ANKRD44: variants seen among roughly 807,000 people sequenced by gnomAD.
The protein encoded by ANKRD44 is serine/threonine-protein phosphatase 6 regulatory ankyrin repeat subunit B.
In ANKRD44, 35 loss-of-function variants were observed where a neutral mutation model predicts 116.0. The ratio of observed to expected loss-of-function variants is 0.30; its 90% CI spans 0.23 to 0.40. ANKRD44 has a LOEUF of 0.40. Among genes scored for constraint, ANKRD44 ranks in the 10% least tolerant of loss-of-function variants. ANKRD44 has a pLI of 1.00. For missense variants in ANKRD44, 1,014 were observed against 1,242.6 expected, an observed-to-expected ratio of 0.82 and a Z score of 2.77; for synonymous variants, 435 against 461.8, an observed-to-expected ratio of 0.94 and a Z score of 0.74.
At chr2:197,192,291 G>A (rs537120966) in intron 1 of ANKRD44, among the ~76,000 whole-genome samples, 2 of 152,234 alleles carry the variant, frequency 1.3e-5, no homozygotes, top group African/African-American at 4.8e-5. Context: ...CAGCATCCAG[G>A]GATGCTCCAG....
At chr2:197,216,298 T>C (rs531332313) in intron 1 of ANKRD44, among the ~76,000 whole-genome samples, 2 of 152,346 alleles carry the variant, frequency 1.3e-5, no homozygotes, top group South Asian at 2.1e-4. Context: ...TAAAGGTCTC[T>C]CACTTAGGAA....
chr2:197,299,007 C>A (rs1018889790), intron 1 of ANKRD44, among the ~76,000 whole-genome samples: 4 of 152,130 alleles, frequency 2.6e-5, no homozygotes, highest in African/African-American at 9.7e-5. Context: ...ACCACAATAT[C>A]CTATTCACAC....
chr2:196,978,141 G>A (rs1234128085), intron 21 of ANKRD44, among the ~76,000 whole-genome samples: 1 of 152,188 alleles, frequency 6.6e-6, no homozygotes, highest in African/African-American at 2.4e-5. Flanking sequence ...GGGCCTGGTG[G>A]GAGGTGTTTG....
At chr2:197,180,159 C>A (rs1399769526) in intron 2 of ANKRD44, among the ~76,000 whole-genome samples, 3 of 151,960 alleles carry the variant, frequency 2.0e-5, no homozygotes, top group African/African-American at 7.3e-5. Context: ...CTTGGCTTCG[C>A]AACCATGGCA....
intron 2 of ANKRD44, among the ~76,000 whole-genome samples, chr2:197,164,692 C>T (rs896450190): frequency 6.6e-6 from 1 of 152,180 alleles, no homozygotes; most frequent in East Asian, 1.9e-4. Flanking sequence ...CGCCACCAGG[C>T]CTCCGCTCAT....
chr2:197,237,987 A>G (rs1260101988), intron 1 of ANKRD44, among the ~76,000 whole-genome samples: 1 of 152,158 alleles, frequency 6.6e-6, no homozygotes, highest in Admixed American at 6.6e-5. Flanking sequence ...CACCTGATTA[A>G]ATCCAATTCA....
intron 16 of ANKRD44, among the ~76,000 whole-genome samples, chr2:197,038,196 C>G (rs1459488201): frequency 6.6e-6 from 1 of 152,044 alleles, no homozygotes; most frequent in Non-Finnish European, 1.5e-5. Flanking sequence ...TCACTTGTAA[C>G]AAATGTACCC....
chr2:197,275,085 G>C (rs973088463), intron 1 of ANKRD44, among the ~76,000 whole-genome samples: 92 of 152,078 alleles, frequency 6.0e-4, no homozygotes, highest in African/African-American at 2.1e-3. Context: ...CTCCAGCCTG[G>C]GTGACAGACT....
chr2:197,047,198 T>G (rs1308022410), intron 16 of ANKRD44, among the ~76,000 whole-genome samples: 3 of 152,118 alleles, frequency 2.0e-5, no homozygotes, highest in Admixed American at 6.5e-5. Context: ...TTTTATATTT[T>G]CAGTAGAGAC....
intron 3 of ANKRD44, among the ~76,000 whole-genome samples, chr2:197,142,870 T>G (rs1412428898): frequency 6.6e-6 from 1 of 152,026 alleles, no homozygotes; most frequent in African/African-American, 2.4e-5. Context: ...CCAGATGTGG[T>G]GGCTCATGCC....
chr2:196,992,122 C>A (rs927235890), intron 27 of ANKRD44, among the ~76,000 whole-genome samples: 3 of 152,136 alleles, frequency 2.0e-5, no homozygotes, highest in Non-Finnish European at 2.9e-5. Flanking sequence ...ATCCTACTGG[C>A]CTGAAAAGGG....
chr2:197,137,740 G>T (rs953992715), intron 3 of ANKRD44, among the ~76,000 whole-genome samples: 1 of 152,198 alleles, frequency 6.6e-6, no homozygotes, highest in Admixed American at 6.5e-5. Context: ...ATTGGTTTCA[G>T]ATGGAGTCAG....
At chr2:197,186,854 A>C (rs1453347700) in intron 2 of ANKRD44, among the ~76,000 whole-genome samples, 169 bp downstream of exon 2, 3 of 151,846 alleles carry the variant, frequency 2.0e-5, no homozygotes, top group Non-Finnish European at 4.4e-5. Flanking sequence ...ACTGATTTCC[A>C]TTGTAACCCT....
intron 16 of ANKRD44, among the ~76,000 whole-genome samples, chr2:197,064,268 A>G (rs1490797608): frequency 2.6e-5 from 4 of 152,162 alleles, no homozygotes; most frequent in Admixed American, 6.5e-5. Context: ...TTTTGTCACC[A>G]CCAGGCCTGC....
intron 8 of ANKRD44, among the ~76,000 whole-genome samples, chr2:197,119,714 C>A (rs1355922385): frequency 3.3e-5 from 5 of 152,180 alleles, no homozygotes; most frequent in Non-Finnish European, 4.4e-5. Context: ...CCTTAGAAAT[C>A]ATTTTTCAAA....
chr2:197,076,390 A>C (rs2077666353), intron 16 of ANKRD44, among the ~76,000 whole-genome samples: 1 of 152,188 alleles, frequency 6.6e-6, no homozygotes, highest in African/African-American at 2.4e-5. Flanking sequence ...ACCCAAGGAA[A>C]TTGGAGTTTT....
intron 17 of ANKRD44, among the ~76,000 whole-genome samples, chr2:197,021,651 G>T (rs1386407694): frequency 6.6e-6 from 1 of 152,100 alleles, no homozygotes; most frequent in African/African-American, 2.4e-5. Context: ...GGGGTTTTTT[G>T]ATTTTTAAAC....
intron 16 of ANKRD44, 21 bp downstream of exon 16, chr2:197,078,682 A>T: frequency 1.2e-6 from 2 of 1,602,480 alleles, no homozygotes; most frequent in Non-Finnish European, 1.7e-6. Context: ...GTGTTAGAGA[A>T]AACAAAACAA....
At chr2:197,084,778 T>G (rs1313740365) in intron 13 of ANKRD44, among the ~76,000 whole-genome samples, 26 of 152,188 alleles carry the variant, frequency 1.7e-4, no homozygotes, top group Admixed American at 1.7e-3. Flanking sequence ...TTTTAAATAT[T>G]TTACCTATTG....
Sources: gnomAD v4.1 joint callset for allele counts (sites outside exome capture counted in the v4.1 genomes callset) on GRCh38, gnomAD v4.1.1 for gene constraint, MANE v1.5 for transcripts, NCBI Gene and HGNC (gene_info 2026-07-23, HGNC 2026-07-21) for gene names.